EXOC6B: variants seen among roughly 807,000 people sequenced by gnomAD.
The protein encoded by EXOC6B is exocyst complex component 6B.
A neutral mutation model predicts 113.5 loss-of-function variants in EXOC6B; 54 were observed. That is an observed-to-expected ratio of 0.48 (90% CI 0.38 to 0.60). EXOC6B has a LOEUF of 0.60. EXOC6B is among the 20% of genes least tolerant of loss of function. EXOC6B has a pLI of 0.00. For missense variants in EXOC6B, 797 were observed against 977.5 expected, an observed-to-expected ratio of 0.82 and a Z score of 2.46; for synonymous variants, 357 against 339.0, an observed-to-expected ratio of 1.05 and a Z score of -0.58.
intron 6 of EXOC6B, among the ~76,000 whole-genome samples, chr2:72,692,706 T>TTACTAAGCTTCC (rs1173060246): frequency 1.3e-5 from 2 of 152,182 alleles, no homozygotes; most frequent in Non-Finnish European, 2.9e-5. Context: ...GAAGCTTCCT[T>TTACTAAGCTTCC]TTAGTAATTG....
At chr2:72,284,011 C>T (rs1264098604) in intron 20 of EXOC6B, among the ~76,000 whole-genome samples, 2 of 151,948 alleles carry the variant, frequency 1.3e-5, no homozygotes, top group Non-Finnish European at 2.9e-5. Context: ...AACAGAAAGC[C>T]CCAAGTACAG....
rs189427346 is a variant in EXOC6B, at chr2:72,325,443, A to C, written c.2196+9504T>G. On this transcript the variant is annotated intron_variant, in intron 20 of 21. Transcript: ENST00000272427. ...AACTGTACTTTTGCCTCTTTAACTCATTCATTCTGGCTTGCCTCCCACTGT... is the reference window on the plus strand; with the variant it reads ...AACTGTACTTTTGCCTCTTTAACTCCTTCATTCTGGCTTGCCTCCCACTGT... Among the ~76,000 whole-genome samples, 7 of 151,994 alleles carry C rather than the reference A, an allele frequency of 4.6e-5. No individual in the cohort carries two copies. In the East Asian group the frequency reaches 1.4e-3, roughly 30 times the overall value.
intron 6 of EXOC6B, among the ~76,000 whole-genome samples, chr2:72,643,270 C>T (rs1209806595): frequency 1.3e-5 from 2 of 150,960 alleles, no homozygotes; most frequent in African/African-American, 4.9e-5. Context: ...TGGGTATATA[C>T]CCAAAGGACT....
intron 19 of EXOC6B, among the ~76,000 whole-genome samples, chr2:72,336,372 C>T (rs1321968698): frequency 2.6e-5 from 4 of 152,024 alleles, no homozygotes; most frequent in Non-Finnish European, 4.4e-5. Context: ...AAATATTTTC[C>T]ATTTGGGGGC....
intron 6 of EXOC6B, among the ~76,000 whole-genome samples, chr2:72,587,843 A>C (rs1291404897): frequency 3.3e-5 from 5 of 152,064 alleles, no homozygotes; most frequent in African/African-American, 4.8e-5. Context: ...CAAAAAAAAA[A>C]CAACTAACCC....
rs117854884 is a variant in EXOC6B at position 72,334,254 on chromosome 2, C to G, written c.2196+693G>C. On this transcript the variant is annotated intron_variant, in intron 20 of 21. Coordinates refer to ENST00000272427, the MANE Select transcript of EXOC6B (RefSeq NM_015189.3). ...CCTATATCCAAACCACCAAGGCCTA[C>G]CAACCCACCCAGTTCAATCTGCAAG... Among the ~76,000 whole-genome samples, 351 of 152,170 alleles carry G rather than the reference C, an allele frequency of 2.3e-3. 9 individuals are homozygous for G. The East Asian group carries it at 0.056, about 24-fold the overall frequency.
At chr2:72,795,968 C>T (rs1260361638) in intron 1 of EXOC6B, among the ~76,000 whole-genome samples, 2 of 151,860 alleles carry the variant, frequency 1.3e-5, no homozygotes, top group East Asian at 4.0e-4. Flanking sequence ...ACTACAGGTG[C>T]GTGCCACCAT....
chr2:72,763,372 G>A (rs1043832373), intron 1 of EXOC6B, among the ~76,000 whole-genome samples: 2 of 150,482 alleles, frequency 1.3e-5, no homozygotes, highest in African/African-American at 4.9e-5. Context: ...AGTTGTTTGA[G>A]CTTCTTGAAT....
intron 11 of EXOC6B, among the ~76,000 whole-genome samples, chr2:72,500,298 A>T (rs529335386): frequency 6.6e-6 from 1 of 152,324 alleles, no homozygotes; most frequent in South Asian, 2.1e-4. Context: ...TCATATCAAA[A>T]ACTATGGTAT....
intron 6 of EXOC6B, among the ~76,000 whole-genome samples, chr2:72,629,662 T>C (rs1672267700): frequency 6.6e-6 from 1 of 152,218 alleles, no homozygotes; most frequent in Non-Finnish European, 1.5e-5. Context: ...CAACCAGTTG[T>C]CTGTTGATCG....
chr2:72,366,991 A>T (rs1484404285), intron 19 of EXOC6B, among the ~76,000 whole-genome samples: 1 of 152,154 alleles, frequency 6.6e-6, no homozygotes, highest in Non-Finnish European at 1.5e-5. Flanking sequence ...TGAAGAATGC[A>T]GAATACAGTA....
At position 72,661,030 on chromosome 2, in the gene EXOC6B, G is replaced by A. The variant is rs546564932; in HGVS notation, c.669+57073C>T. Among the ~76,000 whole-genome samples, 31 of 152,152 alleles carry A rather than the reference G, an allele frequency of 2.0e-4. 1 individual carries two copies. The South Asian group carries it at 5.4e-3, about 26-fold the overall frequency. ...GCCCAGTAGCAATCTCTAGGCAAAA[G>A]TGGCACTGGCCACTAAAGAGAGCCC... On this transcript the variant is annotated intron_variant, in intron 6 of 21. Coordinates refer to ENST00000272427, the MANE Select transcript of EXOC6B (RefSeq NM_015189.3).
chr2:72,276,194 T>C (rs1396254423), intron 20 of EXOC6B, among the ~76,000 whole-genome samples: 1 of 152,080 alleles, frequency 6.6e-6, no homozygotes, highest in African/African-American at 2.4e-5. Flanking sequence ...GGTAGACTCT[T>C]ACAGGAGTTT....
intron 11 of EXOC6B, among the ~76,000 whole-genome samples, chr2:72,511,542 T>C (rs1365367518): frequency 6.6e-6 from 1 of 152,164 alleles, no homozygotes; most frequent in African/African-American, 2.4e-5. Context: ...AGCCTAGTAA[T>C]TGTTTTTGAA....
intron 20 of EXOC6B, among the ~76,000 whole-genome samples, chr2:72,317,382 C>A (rs1055599079): frequency 6.6e-6 from 1 of 151,920 alleles, no homozygotes; most frequent in African/African-American, 2.4e-5. Flanking sequence ...TTTCATCAAG[C>A]AGGCAATGAA....
chr2:72,556,502 C>A (rs1456566399), intron 8 of EXOC6B, among the ~76,000 whole-genome samples: 1 of 152,138 alleles, frequency 6.6e-6, no homozygotes, highest in Non-Finnish European at 1.5e-5. Context: ...ACCCTCAGTT[C>A]TTTAGAGATG....
At chr2:72,643,812 A>T (rs1321719667) in intron 6 of EXOC6B, among the ~76,000 whole-genome samples, 4 of 138,778 alleles carry the variant, frequency 2.9e-5, no homozygotes, top group Non-Finnish European at 5.9e-5. Context: ...AAAATTAAAA[A>T]ATAAATAAAT....
intron 6 of EXOC6B, among the ~76,000 whole-genome samples, chr2:72,707,965 A>G (rs1678997593): frequency 6.6e-6 from 1 of 152,194 alleles, no homozygotes; most frequent in Non-Finnish European, 1.5e-5. Context: ...GGATAAAAAC[A>G]AACAACATGC....
chr2:72,783,246 T>C (rs947718835), intron 1 of EXOC6B, among the ~76,000 whole-genome samples: 2 of 151,028 alleles, frequency 1.3e-5, no homozygotes, highest in Admixed American at 1.3e-4. Context: ...ATATCCATGG[T>C]TTTGATTGCA....
Sources: gnomAD v4.1 joint callset for allele counts (sites outside exome capture counted in the v4.1 genomes callset) on GRCh38, gnomAD v4.1.1 for gene constraint, MANE v1.5 for transcripts, NCBI Gene and HGNC (gene_info 2026-07-23, HGNC 2026-07-21) for gene names.